Variants in CELSR1 observed in about 807,000 individuals in gnomAD.
The protein encoded by CELSR1 is adhesion G protein-coupled receptor C1.
A neutral mutation model predicts 249.1 loss-of-function variants in CELSR1; 110 were observed. The observed-to-expected ratio is 0.44, with a 90% confidence interval of 0.38 to 0.52. CELSR1 has a LOEUF of 0.52. Ranked by LOEUF, CELSR1 falls within the 20% of genes least tolerant of loss-of-function variation. CELSR1 has a pLI of 0.00. For synonymous variants in CELSR1, 2,113 were observed against 1,900.0 expected (o/e 1.11, Z -2.92); for missense variants, 4,109 against 4,296.4 (o/e 0.96, Z 1.22).
rs1254514699 is a variant in CELSR1 at position 46,361,343 on chromosome 22, A to G, written c.*1880T>C. The stretch of plus-strand genomic sequence containing the variant: ...TTTTTCCCATCTCAATAAAACTGAC[A>G]GTTGTTTTTTGGTAACAGTTCTGAT... On this transcript the variant is annotated 3_prime_UTR_variant, in exon 35 of 35. Coordinates refer to ENST00000674500, the MANE Select transcript of CELSR1 (RefSeq NM_001378328.1). 2.0e-5 allele frequency: 3 copies of G among 152,668 alleles called. No homozygotes were observed. The highest frequency in any genetic ancestry group is 2.0e-4 in the Admixed American group (3 of 15,304). The allele number at this position is 152,668 out of a possible 1,614,324, so 9.5% of individuals were successfully genotyped here.
At chr22:46,496,474 A>G (rs953481272) in intron 1 of CELSR1, among the ~76,000 whole-genome samples, 5 of 152,152 alleles carry the variant, frequency 3.3e-5, no homozygotes, top group African/African-American at 1.2e-4. Context: ...AGGGTGAGGC[A>G]GGAAAATCAC....
At position 46,369,809 on chromosome 22, in the gene CELSR1, A is replaced by G. The variant is rs1472003991; in HGVS notation, c.7760-5T>C. The G allele has an allele frequency of 2.5e-6, 4 of 1,612,312 alleles. No individual in the cohort carries two copies. The highest frequency in any genetic ancestry group is 3.4e-6 in the Non-Finnish European group (4 of 1,179,580). ...GGTCCAGGCCGACCGCCAGTCCTGA[A>G]CACAGCGGGGAGGAAGGGAAGGGTG... On this transcript the variant is annotated splice_region_variant and splice_polypyrimidine_tract_variant and intron_variant, in intron 25 of 34. Transcript: ENST00000674500.
intron 1 of CELSR1, chr22:46,481,773 C>A (rs1206916684): frequency 5.1e-6 from 2 of 395,316 alleles, no homozygotes; most frequent in Non-Finnish European, 4.7e-6. Flanking sequence ...GTTATTTGAA[C>A]TTTTCTAAAT....
intron 24 of CELSR1, among the ~76,000 whole-genome samples, chr22:46,373,682 A>AGATGGGGGAGAAGGGGGAGATGGGGGG (rs2078884520): frequency 1.8e-5 from 1 of 54,692 alleles, no homozygotes; most frequent in Non-Finnish European, 3.5e-5. Flanking sequence ...GAGATGGGGG[A>AGATGGGGGAGAAGGGGGAGATGGGGGG]GATGGGGGAG....
At position 46,537,041 on chromosome 22, in the gene CELSR1, G is replaced by A; in HGVS notation, c.130C>T (p.Leu44Phe). The change falls in exon 1 of 35, where the codon CTC becomes TTC. Residue 44 changes from leucine to phenylalanine, a missense_variant. Around this residue, in one of 7 missense-constraint regions of CELSR1, gnomAD observed 673 missense variants for 636.8 expected, o/e 1.06. Transcript: ENST00000674500. This position sits in a 1 kb window ranked among gnomAD's most constrained non-coding sequence, Gnocchi z 5.8. ...ACCGCGTAGGTACAGCCGGGCCGGAGGGCGAAGGCGCGGGTCCCGCCGGGT... is the reference window on the plus strand; with the variant it reads ...ACCGCGTAGGTACAGCCGGGCCGGAAGGCGAAGGCGCGGGTCCCGCCGGGT... ...RVPGGTRAFA[L>F]RPGCTYAVGA... The A allele has an allele frequency of 5.5e-6, 6 of 1,094,526 alleles. No individual in the cohort carries two copies. The highest frequency in any genetic ancestry group is 6.7e-6 in the Non-Finnish European group (6 of 900,788). The allele number at this position is 1,094,526 out of a possible 1,614,324, so 67.8% of individuals were successfully genotyped here.
At chr22:46,516,351 G>T (rs1005047610) in intron 1 of CELSR1, among the ~76,000 whole-genome samples, 1 of 151,966 alleles carries the variant, frequency 6.6e-6, no homozygotes, top group Non-Finnish European at 1.5e-5. Flanking sequence ...GCAAACTATC[G>T]CAAGGACAAA....
intron 24 of CELSR1, among the ~76,000 whole-genome samples, chr22:46,375,273 C>T (rs1017801891): frequency 6.6e-6 from 1 of 152,198 alleles, no homozygotes; most frequent in Non-Finnish European, 1.5e-5. Flanking sequence ...ATGCGCCACA[C>T]CTTCCTTGGC....
Position 46,536,626 on chromosome 22 carries a change from C to T in CELSR1, c.545G>A (p.Arg182His). 1 of 1,171,002 alleles carries T rather than the reference C, an allele frequency of 8.5e-7. No individual in the cohort carries two copies. The highest frequency in any genetic ancestry group is 1.1e-6 in the Non-Finnish European group (1 of 950,922). The allele number at this position is 1,171,002 out of a possible 1,614,324, so 72.5% of individuals were successfully genotyped here. A position where few individuals can be genotyped will look rare whatever the true frequency, so the allele number is the denominator to read the frequency against. ...CGCGCGCCGCAGGGCGCACAGCAGA[C>T]GCAGGCGGACCGAGCCGCCCGGCGG... is the stretch of plus-strand genomic sequence containing the variant. ...CLPPGGSVRL[R>H]LLCALRRAAG... is the part of the protein sequence containing the mutation. The change falls in exon 1 of 35, where the codon CGT (arginine) becomes CAT (histidine). Residue 182 changes from arginine to histidine, a missense_variant. Arg to His is a conservative substitution (Grantham distance 29, BLOSUM62 0). Coordinates refer to ENST00000674500, the MANE Select transcript of CELSR1 (RefSeq NM_001378328.1).
Position 46,490,434 on chromosome 22 carries a change from C to A in CELSR1, c.3545-26089G>T, listed in dbSNP as rs143214669. Among the ~76,000 whole-genome samples, 156 of 152,172 alleles carry A rather than the reference C, an allele frequency of 1.0e-3. No homozygotes were observed. Among genetic ancestry groups the A allele is most frequent in the Middle Eastern group, 6.8e-3 (2 of 294 alleles). On this transcript the variant is annotated intron_variant, in intron 1 of 34. Coordinates refer to ENST00000674500, the MANE Select transcript of CELSR1 (RefSeq NM_001378328.1). The surrounding 1 kb of genome is among the most constrained non-coding windows in gnomAD (Gnocchi z 5.2). ...CCTGAGTAGCTGGGATCACAGGCACCCACCATCTCGTCTGGCTAATTTTTG... is the reference window on the plus strand; with the variant it reads ...CCTGAGTAGCTGGGATCACAGGCACACACCATCTCGTCTGGCTAATTTTTG...
At chr22:46,501,368 G>A (rs2080465066) in intron 1 of CELSR1, among the ~76,000 whole-genome samples, 1 of 151,990 alleles carries the variant, frequency 6.6e-6, no homozygotes, top group African/African-American at 2.4e-5. Context: ...ACCACGCCGG[G>A]CTAATTTTTG....
Position 46,534,975 on chromosome 22 carries a change from G to T in CELSR1, c.2196C>A (p.Arg732=), listed in dbSNP as rs149287307. Residue 732 remains arginine, a synonymous_variant, in exon 1 of 35, where the codon CGC becomes CGA. Coordinates refer to ENST00000674500, the MANE Select transcript of CELSR1 (RefSeq NM_001378328.1). This position sits in a 1 kb window ranked among gnomAD's most constrained non-coding sequence, Gnocchi z 9.7. ...CCCCTCTCTGGCTGCTGAGTGCAAA[G>T]CGGTTCCGGGTGTTGCCGCCTGTGA... is the stretch of plus-strand genomic sequence containing the variant. ...YQLTGGNTRN[R]FALSSQRGGG... 187 of 1,612,200 alleles carry T rather than the reference G, an allele frequency of 1.2e-4. No homozygotes were observed. In the African/African-American group the frequency reaches 2.0e-3, roughly 17 times the overall value.
rs941027927 is a variant in CELSR1, at chr22:46,417,388, A to T, written c.4612-5629T>A. On this transcript the variant is annotated intron_variant, in intron 5 of 34. Transcript: ENST00000674500. This position sits in a 1 kb window ranked among gnomAD's most constrained non-coding sequence, Gnocchi z 4.1. Reference sequence around the variant, plus strand: ...GACTTTGCCAGAATGCAAACCTCAGACCGAGCTGCTACTTCCTGGTGGTCC... The same window carrying T: ...GACTTTGCCAGAATGCAAACCTCAGTCCGAGCTGCTACTTCCTGGTGGTCC... 6.6e-6 allele frequency among the ~76,000 whole-genome samples: 1 copy of T among 152,192 alleles called. No individual in the cohort carries two copies. The highest frequency in any genetic ancestry group is 6.5e-5 in the Admixed American group (1 of 15,282).
intron 5 of CELSR1, among the ~76,000 whole-genome samples, chr22:46,432,192 G>A (rs2147426786): frequency 6.6e-6 from 1 of 152,330 alleles, no homozygotes; most frequent in East Asian, 1.9e-4. Flanking sequence ...CAAGGCAGAT[G>A]GGAGGGGCGG....
At chr22:46,422,508 G>GA (rs2079486704) in intron 5 of CELSR1, among the ~76,000 whole-genome samples, 1 of 150,870 alleles carries the variant, frequency 6.6e-6, no homozygotes, top group South Asian at 2.1e-4. Flanking sequence ...CCAAGGGGGG[G>GA]CGGATCACGA....
At position 46,398,770 on chromosome 22, in the gene CELSR1, C is replaced by T. The variant is rs374608776; in HGVS notation, c.5413-133G>A. 42 of 655,682 alleles carry T rather than the reference C, an allele frequency of 6.4e-5. No individual in the cohort carries two copies. The African/African-American group carries it at 6.5e-4, about 10-fold the overall frequency. 40.6% of individuals were successfully genotyped at this position (655,682 alleles called of 1,614,324 possible). A position where few individuals can be genotyped will look rare whatever the true frequency, so the allele number is the denominator to read the frequency against. ...TCCGCAGAGCCTGAGGACATCTGGG[C>T]CTCCAAAGAGAGAGCTGGGCCCAGC... On this transcript the variant is annotated intron_variant, in intron 10 of 34. Transcript: ENST00000674500. This position sits in a 1 kb window ranked among gnomAD's most constrained non-coding sequence, Gnocchi z 7.2.
At chr22:46,419,008 A>G (rs1380211301) in intron 5 of CELSR1, among the ~76,000 whole-genome samples, 2 of 152,204 alleles carry the variant, frequency 1.3e-5, no homozygotes, top group East Asian at 1.9e-4. Flanking sequence ...ACAGAGCTCC[A>G]TGATCCCCGT....
Position 46,371,906 on chromosome 22 carries a change from C to T in CELSR1, c.7759+977G>A, listed in dbSNP as rs374601111. 1.2e-3 allele frequency among the ~76,000 whole-genome samples: 180 copies of T among 149,000 alleles called. 1 individual carries two copies. Among genetic ancestry groups the T allele is most frequent in the African/African-American group, 4.4e-3 (176 of 39,596 alleles). ...CCATCCATCCACCCACCTCTCCATCCCTCCATCCACCCACCCACCCATCTG... is the reference window on the plus strand; with the variant it reads ...CCATCCATCCACCCACCTCTCCATCTCTCCATCCACCCACCCACCCATCTG... On this transcript the variant is annotated intron_variant, in intron 25 of 34. Transcript: ENST00000674500.
rs746744484 is a variant in CELSR1 at position 46,365,397 on chromosome 22, G to T, written c.8405-17C>A. ...AATCGTGGCCTGTGGATGCGCGGGG[G>T]ACAGGGAGGCTCAGGCCCTGGGAGG... On this transcript the variant is annotated splice_polypyrimidine_tract_variant and intron_variant, in intron 31 of 34. Transcript: ENST00000674500. 1.9e-6 allele frequency: 3 copies of T among 1,611,604 alleles called. No individual in the cohort carries two copies. Among genetic ancestry groups the T allele is most frequent in the Admixed American group, 3.3e-5 (2 of 59,992 alleles).
chr22:46,411,607 G>A lies in CELSR1; in HGVS notation c.4764C>T (p.Ser1588=). ...TCCCCTCCTGGGATGCTCACTTCTT[G>A]GAGCCGGTCTGAGTGCCCTGGGCAG... is the stretch of plus-strand genomic sequence containing the variant. ...SCAAQGTQTG[S]KKSLDLTGPL... Residue 1588 remains serine (S), a synonymous_variant, in exon 6 of 35, where the codon TCC becomes TCT. Coordinates refer to ENST00000674500, the MANE Select transcript of CELSR1 (RefSeq NM_001378328.1). The surrounding 1 kb of genome is among the most constrained non-coding windows in gnomAD (Gnocchi z 4.2). The A allele has an allele frequency of 6.2e-7, 1 of 1,614,112 alleles. No individual in the cohort carries two copies. Among genetic ancestry groups the A allele is most frequent in the Middle Eastern group, 1.6e-4 (1 of 6,062 alleles).
Sources: allele counts gnomAD v4.1 joint callset (sites outside exome capture counted in the v4.1 genomes callset), GRCh38; gene constraint gnomAD v4.1.1; regional missense constraint gnomAD v4.1.1; non-coding constraint Gnocchi (gnomAD v3.1); transcripts MANE v1.5; gene names NCBI Gene and HGNC (gene_info 2026-07-23, HGNC 2026-07-21).